CATSPERT: variants seen among roughly 807,000 people sequenced by gnomAD.
CATSPERT encodes cation channel sperm-associated targeting subunit tau.
the CATSPERT span, among the ~76,000 whole-genome samples, chr2:201,543,392 A>C: frequency 6.6e-6 from 1 of 152,192 alleles, no homozygotes; most frequent in African/African-American, 2.4e-5. Flanking sequence ...GAAAAACACC[A>C]TTAGAATTTT....
chr2:201,598,800 C>T, the CATSPERT span, among the ~76,000 whole-genome samples: 1 of 152,144 alleles, frequency 6.6e-6, no homozygotes, highest in Admixed American at 6.5e-5. Flanking sequence ...AGGCTGGTCT[C>T]GAACTCCTGA....
chr2:201,493,254 C>A, the CATSPERT span: 2 of 1,536,618 alleles, frequency 1.3e-6, no homozygotes, highest in Non-Finnish European at 1.7e-6. Context: ...TTGGCAAATA[C>A]AGTTCTTTAT....
At chr2:201,492,460 A>C in the CATSPERT span, 1 of 1,533,438 alleles carries the variant, frequency 6.5e-7, no homozygotes, top group East Asian at 2.5e-5. Flanking sequence ...AGGATATTTC[A>C]TGTTTATTTC....
chr2:201,530,146 A>C, the CATSPERT span, among the ~76,000 whole-genome samples: 1 of 152,204 alleles, frequency 6.6e-6, no homozygotes, highest in African/African-American at 2.4e-5. Context: ...CTTGTACACT[A>C]TTTGTGGGAA....
chr2:201,578,592 G>A, the CATSPERT span, among the ~76,000 whole-genome samples: 5 of 152,002 alleles, frequency 3.3e-5, no homozygotes, highest in African/African-American at 9.6e-5. Context: ...TTCTGTTTAT[G>A]TTTATAAGAA....
the CATSPERT span, among the ~76,000 whole-genome samples, chr2:201,505,967 T>C: frequency 6.6e-6 from 1 of 152,084 alleles, no homozygotes; most frequent in Non-Finnish European, 1.5e-5. Context: ...CTAATCTACT[T>C]ATAAAAAAGC....
the CATSPERT span, among the ~76,000 whole-genome samples, chr2:201,612,998 G>T: frequency 1.6e-4 from 25 of 152,238 alleles, no homozygotes; most frequent in Admixed American, 4.6e-4. Flanking sequence ...CAGCAAGGCT[G>T]GGGGAGGGGC....
chr2:201,604,710 TAAATTA>T, the CATSPERT span: 6 of 1,558,764 alleles, frequency 3.8e-6, no homozygotes, highest in Non-Finnish European at 5.2e-6. Flanking sequence ...ACAATGTAAA[TAAATTA>T]AGATTTGGGA....
the CATSPERT span, among the ~76,000 whole-genome samples, chr2:201,532,263 G>A: frequency 6.6e-6 from 1 of 152,090 alleles, no homozygotes; most frequent in Non-Finnish European, 1.5e-5. Flanking sequence ...AGCTCCACAA[G>A]AACATTTATT....
At chr2:201,589,129 T>C in the CATSPERT span, among the ~76,000 whole-genome samples, 1 of 152,160 alleles carries the variant, frequency 6.6e-6, no homozygotes, top group African/African-American at 2.4e-5. Flanking sequence ...GGTAGAACAT[T>C]CCATGCTCAT....
At chr2:201,614,538 T>C in the CATSPERT span, among the ~76,000 whole-genome samples, 1 of 152,134 alleles carries the variant, frequency 6.6e-6, no homozygotes, top group African/African-American at 2.4e-5. Context: ...CAGGCCTGCA[T>C]TAGAAGAGCT....
the CATSPERT span, among the ~76,000 whole-genome samples, chr2:201,495,156 ATT>A: frequency 6.8e-6 from 1 of 148,084 alleles, no homozygotes; most frequent in Admixed American, 6.8e-5. Context: ...AATGTAGGAA[ATT>A]TTTTTTTTTT....
At chr2:201,563,127 G>A in the CATSPERT span, among the ~76,000 whole-genome samples, 2 of 60,382 alleles carry the variant, frequency 3.3e-5, no homozygotes, top group Admixed American at 2.1e-4. Flanking sequence ...CGGATGGGGC[G>A]GCTGGCCGGG....
At chr2:201,571,818 C>T in the CATSPERT span, 2 of 770,076 alleles carry the variant, frequency 2.6e-6, no homozygotes, top group Non-Finnish European at 4.2e-6. Context: ...CAGAGTCTAC[C>T]CCATCCTGGC....
At chr2:201,565,654 T>C in the CATSPERT span, 4 of 1,388,090 alleles carry the variant, frequency 2.9e-6, no homozygotes, top group Admixed American at 2.9e-5. Flanking sequence ...AAGGGAGAAA[T>C]TAATATATTA....
chr2:201,567,847 C>T, the CATSPERT span, among the ~76,000 whole-genome samples: 1 of 152,314 alleles, frequency 6.6e-6, no homozygotes, highest in African/African-American at 2.4e-5. Flanking sequence ...GCCGCTAACA[C>T]GTCATTAGAT....
chr2:201,573,908 C>T, the CATSPERT span, among the ~76,000 whole-genome samples: 1 of 152,174 alleles, frequency 6.6e-6, no homozygotes, highest in African/African-American at 2.4e-5. Context: ...TCACCCACCT[C>T]GGCCTCCCAA....
the CATSPERT span, among the ~76,000 whole-genome samples, chr2:201,544,486 C>A: frequency 6.6e-6 from 1 of 151,974 alleles, no homozygotes; most frequent in African/African-American, 2.4e-5. Flanking sequence ...ATGATAAATT[C>A]TCAAATGTAA....
chr2:201,583,451 T>G, the CATSPERT span, among the ~76,000 whole-genome samples: 2 of 152,218 alleles, frequency 1.3e-5, no homozygotes, highest in African/African-American at 4.8e-5. Context: ...AATTGCAGCC[T>G]AAAGTCACAG....
Sources: gnomAD v4.1 joint callset for allele counts (sites outside exome capture counted in the v4.1 genomes callset) on GRCh38, gnomAD v4.1.1 for gene constraint, MANE v1.5 for transcripts, NCBI Gene and HGNC (gene_info 2026-07-23, HGNC 2026-07-21) for gene names.